The following ZMYND8 variants were observed in gnomAD, a reference collection of about 807,000 sequenced individuals.
ZMYND8 encodes MYND-type zinc finger-containing chromatin reader ZMYND8.
In ZMYND8, 37 loss-of-function variants were observed where a neutral mutation model predicts 140.8. That is an observed-to-expected ratio of 0.26 (90% CI 0.20 to 0.35). The LOEUF (loss-of-function observed/expected upper bound fraction) is 0.35. ZMYND8 is among the 10% of genes least tolerant of loss of function. The probability of loss-of-function intolerance (pLI) is 1.00; values close to 1 mark genes in which losing one functional copy is unlikely to be tolerated. For synonymous variants in ZMYND8, 592 were observed against 597.1 expected (o/e 0.99, Z 0.12); for missense variants, 1,068 against 1,570.0 (o/e 0.68, Z 5.40).
At chr20:47,232,041 T>C (rs545929703) in intron 16 of ZMYND8, among the ~76,000 whole-genome samples, 5 of 152,312 alleles carry the variant, frequency 3.3e-5, no homozygotes, top group African/African-American at 1.2e-4. Flanking sequence ...GTCACTGTGT[T>C]CATTTTTTTT....
chr20:47,235,848 A>C (rs532131337), intron 16 of ZMYND8, among the ~76,000 whole-genome samples: 4 of 152,302 alleles, frequency 2.6e-5, no homozygotes, highest in Non-Finnish European at 5.9e-5. Context: ...GGCAGGAGAC[A>C]GGGGAGAGGG....
intron 1 of ZMYND8, among the ~76,000 whole-genome samples, chr20:47,350,712 C>T (rs973179611): frequency 1.3e-5 from 2 of 152,272 alleles, no homozygotes; most frequent in Admixed American, 1.3e-4. Context: ...ACATTAAAGT[C>T]TTAGAACATA....
chr20:47,286,854 G>C (rs1309168889), intron 8 of ZMYND8, among the ~76,000 whole-genome samples: 1 of 152,154 alleles, frequency 6.6e-6, no homozygotes, highest in African/African-American at 2.4e-5. Context: ...CATGCCCCCA[G>C]ATATCAAATC....
chr20:47,255,561 AGTGTGTGTGTGTGT>A (rs141205253), intron 12 of ZMYND8, among the ~76,000 whole-genome samples: 10,002 of 119,922 alleles, frequency 0.083, 638 homozygotes, highest in African/African-American at 0.17. Flanking sequence ...ACATATACTC[AGTGTGTGTGTGTGT>A]GTGTGTGTGT....
chr20:47,306,504 A>T (rs1458827311), intron 3 of ZMYND8, among the ~76,000 whole-genome samples: 2 of 152,060 alleles, frequency 1.3e-5, no homozygotes, highest in Admixed American at 1.3e-4. Context: ...CCAAACTTAA[A>T]ACTCATCCCA....
At chr20:47,290,685 G>A (rs1015953232) in intron 6 of ZMYND8, among the ~76,000 whole-genome samples, 1 of 141,910 alleles carries the variant, frequency 7.0e-6, no homozygotes, top group African/African-American at 2.6e-5. Context: ...TCCACCTCCC[G>A]GGTTCAAGCA....
At position 47,221,327 on chromosome 20, in the gene ZMYND8, T is replaced by C. The variant is rs1568897133; in HGVS notation, c.3404A>G (p.Lys1135Arg). Residue 1135 changes from lysine (K) to arginine (R), a missense_variant, in exon 20 of 23, where the codon AAG becomes AGG. Coordinates refer to ENST00000471951, the MANE Select transcript of ZMYND8 (RefSeq NM_001281775.3). Reference protein sequence around the residue: ...KEKETSAEKSKESGSTLDLSG... With the variant: ...KEKETSAEKSRESGSTLDLSG... ...GGGGATCCTCACCGAGCCACTCTCC[T>C]TGCTTTTCTCAGCTGACGTCTCCTT... 6.2e-7 allele frequency: 1 copy of C among 1,614,138 alleles called. No individual in the cohort carries two copies. The highest frequency in any genetic ancestry group is 1.1e-5 in the South Asian group (1 of 91,078).
intron 2 of ZMYND8, among the ~76,000 whole-genome samples, chr20:47,313,547 G>A (rs957959134): frequency 8.0e-5 from 12 of 150,912 alleles, no homozygotes; most frequent in African/African-American, 2.9e-4. Flanking sequence ...GCGTGAACCT[G>A]GGAGGCGGAG....
At chr20:47,342,482 G>T (rs1332429177) in intron 2 of ZMYND8, among the ~76,000 whole-genome samples, 10 of 151,308 alleles carry the variant, frequency 6.6e-5, no homozygotes, top group African/African-American at 1.2e-4. Context: ...GGGAAGTGGA[G>T]GTTGCAGTGA....
intron 14 of ZMYND8, among the ~76,000 whole-genome samples, chr20:47,240,102 G>C (rs1026557876): frequency 6.9e-6 from 1 of 145,928 alleles, no homozygotes; most frequent in Non-Finnish European, 1.5e-5. Flanking sequence ...AGCCAGACGT[G>C]GTGGGAAACT....
intron 16 of ZMYND8, among the ~76,000 whole-genome samples, chr20:47,234,660 G>T (rs1237956900): frequency 6.6e-6 from 1 of 152,068 alleles, no homozygotes; most frequent in African/African-American, 2.4e-5. Flanking sequence ...GTGGTAATTT[G>T]TTCTGCAGCA....
intron 3 of ZMYND8, among the ~76,000 whole-genome samples, chr20:47,306,367 G>C (rs756778719): frequency 1.3e-5 from 2 of 151,996 alleles, no homozygotes; most frequent in Non-Finnish European, 2.9e-5. Context: ...GCAGTAAGCT[G>C]TGATCATGTC....
intron 7 of ZMYND8, among the ~76,000 whole-genome samples, chr20:47,289,395 T>C (rs879517522): frequency 1.3e-5 from 2 of 152,164 alleles, no homozygotes; most frequent in Admixed American, 1.3e-4. Context: ...CAAAAACTGT[T>C]TGGTGAAACG....
intron 10 of ZMYND8, among the ~76,000 whole-genome samples, chr20:47,277,018 T>TAAA (rs2076297779): frequency 6.6e-6 from 1 of 151,998 alleles, no homozygotes; most frequent in South Asian, 2.1e-4. Flanking sequence ...CGAAAACATT[T>TAAA]AAAAGTGCAA....
chr20:47,267,132 C>A (rs557445655), intron 11 of ZMYND8, among the ~76,000 whole-genome samples: 4 of 152,196 alleles, frequency 2.6e-5, no homozygotes, highest in African/African-American at 9.6e-5. Context: ...GTTAAAGAAG[C>A]CAGACACAAA....
At chr20:47,325,063 C>A (rs2080300308) in intron 2 of ZMYND8, among the ~76,000 whole-genome samples, 1 of 152,148 alleles carries the variant, frequency 6.6e-6, no homozygotes, top group African/African-American at 2.4e-5. Flanking sequence ...CGCCACCACG[C>A]CCAGCTAATT....
intron 16 of ZMYND8, 77 bp from the exon 17 acceptor site, chr20:47,229,883 T>C: frequency 3.7e-6 from 5 of 1,344,248 alleles, no homozygotes; most frequent in Middle Eastern, 2.3e-4. Flanking sequence ...TTAAAATCTA[T>C]CTGTATAAAG....
At position 47,231,111 on chromosome 20, in the gene ZMYND8, C is replaced by CATCAGCCAGTTGGTGACATCAGCTAAGGT. The variant is rs2038418960; in HGVS notation, c.2857-1334_2857-1306dup. 3.9e-5 allele frequency among the ~76,000 whole-genome samples: 6 copies of CATCAGCCAGTTGGTGACATCAGCTAAGGT among 152,286 alleles called. No homozygotes were observed. In the South Asian group the frequency reaches 1.2e-3, roughly 32 times the overall value. On this transcript the variant is annotated intron_variant, in intron 16 of 22. Transcript: ENST00000471951. The stretch of plus-strand genomic sequence containing the variant: ...TCTTTAACTATCTGACCCCTGAAGG[C>CATCAGCCAGTTGGTGACATCAGCTAAGGT]ATCAGCCAGTTGGTGACATCAGCTA...
intron 2 of ZMYND8, among the ~76,000 whole-genome samples, chr20:47,342,049 G>A (rs939377266): frequency 2.0e-5 from 3 of 151,846 alleles, no homozygotes; most frequent in African/African-American, 4.8e-5. Flanking sequence ...GTGTGTGCCT[G>A]TAGTCCCAGC....
Sources: gnomAD v4.1 joint callset for allele counts (sites outside exome capture counted in the v4.1 genomes callset) on GRCh38, gnomAD v4.1.1 for gene constraint, MANE v1.5 for transcripts, NCBI Gene and HGNC (gene_info 2026-07-23, HGNC 2026-07-21) for gene names.